The following KIAA1549 variants were observed in gnomAD, a reference collection of about 807,000 sequenced individuals.
The protein encoded by KIAA1549 is UPF0606 protein KIAA1549.
Under a neutral mutation model 156.4 loss-of-function variants are expected in KIAA1549, and 70 were observed. The ratio of observed to expected loss-of-function variants is 0.45; its 90% CI spans 0.37 to 0.55. The LOEUF (loss-of-function observed/expected upper bound fraction) is 0.55. Ranked by LOEUF, KIAA1549 falls within the 20% of genes least tolerant of loss-of-function variation. The pLI is 0.00. For missense variants in KIAA1549, 2,428 were observed against 2,540.9 expected (o/e 0.96, Z 0.96); for synonymous variants, 1,103 against 1,066.4 (o/e 1.03, Z -0.67).
chr7:138,971,389 T>C (rs1040976723), intron 1 of KIAA1549, among the ~76,000 whole-genome samples: 2 of 151,952 alleles, frequency 1.3e-5, no homozygotes, highest in Non-Finnish European at 2.9e-5. Flanking sequence ...TTTCCTCCTC[T>C]CTCAAATGAA....
intron 1 of KIAA1549, among the ~76,000 whole-genome samples, chr7:138,929,966 C>G (rs375843256): frequency 1.3e-5 from 2 of 152,134 alleles, no homozygotes; most frequent in South Asian, 4.1e-4. Context: ...AAGTGAGTCA[C>G]CGCACCCAGC....
At position 138,918,281 on chromosome 7, in the gene KIAA1549, C is replaced by G. The variant is rs746094701; in HGVS notation, c.1345G>C (p.Glu449Gln). ...TCCAGCACGGTCATGCACAGAGTCT[C>G]GGCACCATCCCCTGATCCCACGTCT... ...EKDVGSGDGA[E>Q]TLCMTVLEES... Residue 449 changes from glutamate (E) to glutamine (Q), a missense_variant, in exon 2 of 20, where the codon GAG (glutamate) becomes CAG (glutamine). Around this residue, in one of 5 missense-constraint regions of KIAA1549, gnomAD observed 893 missense variants for 847.9 expected, o/e 1.05. Coordinates refer to ENST00000422774, the MANE Select transcript of KIAA1549 (RefSeq NM_001164665.2). This position sits in a 1 kb window ranked among gnomAD's most constrained non-coding sequence, Gnocchi z 4.2. 1 of 1,613,996 alleles carries G rather than the reference C, an allele frequency of 6.2e-7. No individual in the cohort carries two copies. The highest frequency in any genetic ancestry group is 8.5e-7 in the Non-Finnish European group (1 of 1,179,894).
chr7:138,940,335 G>C (rs1375482872), intron 1 of KIAA1549, among the ~76,000 whole-genome samples: 1 of 151,678 alleles, frequency 6.6e-6, no homozygotes, highest in Non-Finnish European at 1.5e-5. Flanking sequence ...CCCTACAAAG[G>C]ACATGAACTC....
chr7:138,924,335 G>A (rs1297061085), intron 1 of KIAA1549, among the ~76,000 whole-genome samples: 35 of 151,878 alleles, frequency 2.3e-4, no homozygotes, highest in Admixed American at 2.3e-3. Flanking sequence ...TTATGTGTCT[G>A]TTTTAAAACT....
chr7:138,939,802 C>T (rs1813122058), intron 1 of KIAA1549, among the ~76,000 whole-genome samples: 1 of 152,130 alleles, frequency 6.6e-6, no homozygotes, highest in Non-Finnish European at 1.5e-5. Flanking sequence ...TGATCACTGC[C>T]TCCATCCATT....
chr7:138,853,482 A>G (rs10227043), intron 16 of KIAA1549, among the ~76,000 whole-genome samples: 26,310 of 152,168 alleles, frequency 0.17, 2,476 homozygotes, highest in African/African-American at 0.23. Context: ...GTGAACAAAT[A>G]TCTATTTTGT....
chr7:138,867,565 A>T (rs977740308), intron 15 of KIAA1549, among the ~76,000 whole-genome samples: 56 of 134,842 alleles, frequency 4.2e-4, no homozygotes, highest in Non-Finnish European at 5.5e-4. Context: ...AAAAAAAAAA[A>T]ATAATAAAAA....
At position 138,919,031 on chromosome 7, in the gene KIAA1549, G is replaced by T. The variant is rs1339409118; in HGVS notation, c.595C>A (p.Pro199Thr). 1 of 1,613,998 alleles carries T rather than the reference G, an allele frequency of 6.2e-7. No individual in the cohort carries two copies. The highest frequency in any genetic ancestry group is 8.5e-7 in the Non-Finnish European group (1 of 1,179,894). Residue 199 changes from proline to threonine, a missense_variant, in exon 2 of 20, where the codon CCC becomes ACC. Transcript: ENST00000422774. ...ALEPMLTPSL[P>T]MVSLQDEEVT... ...TCTTCATCTTGTAAAGAAACCATGG[G>T]TAATGATGGAGTGAGCATAGGTTCT... is the stretch of plus-strand genomic sequence containing the variant.
intron 10 of KIAA1549, among the ~76,000 whole-genome samples, chr7:138,893,823 C>A (rs1005003437): frequency 2.0e-5 from 3 of 152,240 alleles, no homozygotes; most frequent in African/African-American, 7.2e-5. Flanking sequence ...GTAATCCCAG[C>A]ACTTCGGGAG....
Position 138,919,316 on chromosome 7 carries a change from T to C in KIAA1549, c.310A>G (p.Ser104Gly). Residue 104 changes from serine (S) to glycine (G), a missense_variant, in exon 2 of 20, where the codon AGC (serine) becomes GGC (glycine). Transcript: ENST00000422774. ...LTETAPGSQH[S>G]SPLHVTAPPS... ...GGGGCTGTGACATGGAGAGGACTGC[T>C]GTGCTGGGAGCCGGGAGCAGTTTCT... 1 of 1,614,038 alleles carries C rather than the reference T, an allele frequency of 6.2e-7. No individual in the cohort carries two copies. Among genetic ancestry groups the C allele is most frequent in the African/African-American group, 1.3e-5 (1 of 75,056 alleles).
chr7:138,888,744 A>ATTCCT (rs1337939548), intron 10 of KIAA1549, among the ~76,000 whole-genome samples: 2 of 152,236 alleles, frequency 1.3e-5, no homozygotes, highest in Non-Finnish European at 1.5e-5. Context: ...GATTAAGATG[A>ATTCCT]TTCCTTTCTC....
At chr7:138,965,017 G>A (rs992514373) in intron 1 of KIAA1549, among the ~76,000 whole-genome samples, 2 of 149,984 alleles carry the variant, frequency 1.3e-5, no homozygotes, top group Admixed American at 6.7e-5. Flanking sequence ...CTGAAGTGCC[G>A]TGGTGCGATC....
At chr7:138,915,940 G>A (rs1213775782) in intron 2 of KIAA1549, among the ~76,000 whole-genome samples, 1 of 152,238 alleles carries the variant, frequency 6.6e-6, no homozygotes, top group African/African-American at 2.4e-5. Context: ...CCCTCAGGTG[G>A]GCACCAGCTT....
rs1467105041 is a variant in KIAA1549 at position 138,883,107 on chromosome 7, A to T, written c.4033-1523T>A. 4.2e-5 allele frequency among the ~76,000 whole-genome samples: 6 copies of T among 143,642 alleles called. 1 individual carries two copies. Among genetic ancestry groups the T allele is most frequent in the Non-Finnish European group, 9.0e-5 (6 of 66,730 alleles). 94.2% of individuals were successfully genotyped at this position (143,642 alleles called of 152,430 possible). A position where few individuals can be genotyped will look rare whatever the true frequency, so the allele number is the denominator to read the frequency against. On this transcript the variant is annotated intron_variant, in intron 10 of 19. Coordinates refer to ENST00000422774, the MANE Select transcript of KIAA1549 (RefSeq NM_001164665.2). ...TCTCCCCTAAAAAAAAAAAAAAAAA[A>T]AAAAAAAAAATTCAGCCAGACATGG... is the stretch of plus-strand genomic sequence containing the variant.
intron 10 of KIAA1549, among the ~76,000 whole-genome samples, chr7:138,886,997 G>A (rs996553128): frequency 1.3e-5 from 2 of 151,966 alleles, no homozygotes; most frequent in Non-Finnish European, 2.9e-5. Context: ...CACCTCCTGG[G>A]TTCAAGCAAT....
chr7:138,941,495 T>A (rs1813182784), intron 1 of KIAA1549, among the ~76,000 whole-genome samples: 1 of 152,226 alleles, frequency 6.6e-6, no homozygotes, highest in African/African-American at 2.4e-5. Flanking sequence ...CAGTTTCAAA[T>A]TCCTCTTCTT....
intron 1 of KIAA1549, among the ~76,000 whole-genome samples, chr7:138,937,017 C>T (rs550282821): frequency 6.6e-6 from 1 of 152,144 alleles, no homozygotes; most frequent in African/African-American, 2.4e-5. Context: ...ACTATGTCAC[C>T]CCATTCTCAA....
intron 17 of KIAA1549, among the ~76,000 whole-genome samples, chr7:138,850,696 G>C (rs897101795): frequency 6.6e-6 from 1 of 152,110 alleles, no homozygotes; most frequent in Non-Finnish European, 1.5e-5. Flanking sequence ...CAGAAGCTCT[G>C]AAGTTTAATT....
At chr7:138,878,676 C>T (rs564880291) in intron 12 of KIAA1549, among the ~76,000 whole-genome samples, 8 of 151,990 alleles carry the variant, frequency 5.3e-5, no homozygotes, top group African/African-American at 1.7e-4. Flanking sequence ...GTGGGAGGAT[C>T]GCCTGAGCCT....
Sources: allele counts gnomAD v4.1 joint callset (sites outside exome capture counted in the v4.1 genomes callset), GRCh38; gene constraint gnomAD v4.1.1; regional missense constraint gnomAD v4.1.1; non-coding constraint Gnocchi (gnomAD v3.1); transcripts MANE v1.5; gene names NCBI Gene and HGNC (gene_info 2026-07-23, HGNC 2026-07-21).